Variants in TTYH1 observed in about 807,000 individuals in gnomAD.
TTYH1 encodes protein tweety homolog 1.
TTYH1 carries 33 observed loss-of-function variants against 61.2 expected under a neutral mutation model. The ratio of observed to expected loss-of-function variants is 0.54; its 90% CI spans 0.41 to 0.72. TTYH1 has a LOEUF of 0.72. Ranked by LOEUF, TTYH1 falls within the 30% of genes least tolerant of loss-of-function variation. The pLI is 0.00. For missense variants in TTYH1, 538 were observed against 575.8 expected, an observed-to-expected ratio of 0.93 and a Z score of 0.67; for synonymous variants, 308 against 266.4, an observed-to-expected ratio of 1.16 and a Z score of -1.52.
rs947779185 is a variant in TTYH1 at position 54,419,427 on chromosome 19, G to A, written c.305+121G>A. On this transcript the variant is annotated intron_variant, in intron 2 of 13. Coordinates refer to ENST00000376530, the MANE Select transcript of TTYH1 (RefSeq NM_020659.4). This position sits in a 1 kb window ranked among gnomAD's most constrained non-coding sequence, Gnocchi z 6.1. ...CAGACAGGAAGGAGGAAACTCCCTC[G>A]TCCCTGTCCCTGCCATTTGCAAGCC... is the stretch of plus-strand genomic sequence containing the variant. 4.8e-6 allele frequency: 5 copies of A among 1,049,424 alleles called. No homozygotes were observed. The highest frequency in any genetic ancestry group is 7.1e-6 in the Non-Finnish European group (5 of 703,072). The allele number at this position is 1,049,424 out of a possible 1,614,324, so 65.0% of individuals were successfully genotyped here.
rs1257595041 is a variant in TTYH1, at chr19:54,433,715, A to AG, written c.1126-1827_1126-1826insG. ...ATGGTGAAACCCCATCTCTATTAAA[A>AG]AAAAAAAAATCAACAATAAGGGACA... On this transcript the variant is annotated intron_variant, in intron 10 of 13. Transcript: ENST00000376530. 2.6e-5 allele frequency: 4 copies of AG among 151,536 alleles called. No homozygotes were observed. In the East Asian group the frequency reaches 7.7e-4, roughly 29 times the overall value. The allele number at this position is 151,536 out of a possible 1,614,324, so 9.4% of individuals were successfully genotyped here. A position where few individuals can be genotyped will look rare whatever the true frequency, so the allele number is the denominator to read the frequency against.
intron 10 of TTYH1, 130 bp from the exon 11 acceptor site, chr19:54,435,412 A>G: frequency 8.6e-7 from 1 of 1,168,144 alleles, no homozygotes; most frequent in East Asian, 2.4e-5. Flanking sequence ...TGACAGGGGA[A>G]ACTGAGGCAC....
rs1170737889 is a variant in TTYH1, at chr19:54,415,951, G to GC, written c.126+276dup. 24 of 1,066,650 alleles carry GC rather than the reference G, an allele frequency of 2.3e-5. No individual in the cohort carries two copies. Among genetic ancestry groups the GC allele is most frequent in the Non-Finnish European group, 2.9e-5 (22 of 751,582 alleles). 66.1% of individuals were successfully genotyped at this position (1,066,650 alleles called of 1,614,324 possible). A position where few individuals can be genotyped will look rare whatever the true frequency, so the allele number is the denominator to read the frequency against. ...AGTTCATGGAGAGGAGGGGAGGGGG[G>GC]CCCGGATTCCCGGGTGTCTGATACC... On this transcript the variant is annotated intron_variant, in intron 1 of 13. Transcript: ENST00000376530. The surrounding 1 kb of genome is among the most constrained non-coding windows in gnomAD (Gnocchi z 5.2).
intron 4 of TTYH1, 85 bp from the exon 5 acceptor site, chr19:54,426,588 G>A: frequency 9.8e-7 from 1 of 1,024,102 alleles, no homozygotes; most frequent in Non-Finnish European, 1.5e-6. Context: ...CTGGGGGGCA[G>A]GGTGAATGCT....
At chr19:54,425,808 T>A (rs1459411387) in intron 4 of TTYH1, among the ~76,000 whole-genome samples, 1 of 151,964 alleles carries the variant, frequency 6.6e-6, no homozygotes, top group Non-Finnish European at 1.5e-5. Flanking sequence ...CTCCACCTCA[T>A]GGGTTCAAAT....
chr19:54,419,348 C>T lies in TTYH1; in HGVS notation c.305+42C>T. 6.4e-7 allele frequency: 1 copy of T among 1,564,754 alleles called. No individual in the cohort carries two copies. Among genetic ancestry groups the T allele is most frequent in the Non-Finnish European group, 8.6e-7 (1 of 1,159,902 alleles). On this transcript the variant is annotated intron_variant, in intron 2 of 13. Transcript: ENST00000376530. The surrounding 1 kb of genome is among the most constrained non-coding windows in gnomAD (Gnocchi z 6.1). ...GTGGGTGGGCGGTGGGGACAGGGCT[C>T]CCCAAGCTCTTTGCTGGCCTTCCTG...
chr19:54,415,951 G>C lies in TTYH1; in HGVS notation c.126+273G>C. The C allele has an allele frequency of 9.4e-7, 1 of 1,066,768 alleles. No homozygotes were observed. The highest frequency in any genetic ancestry group is 1.3e-6 in the Non-Finnish European group (1 of 751,574). 66.1% of individuals were successfully genotyped at this position (1,066,768 alleles called of 1,614,324 possible). On this transcript the variant is annotated intron_variant, in intron 1 of 13. Transcript: ENST00000376530. This position sits in a 1 kb window ranked among gnomAD's most constrained non-coding sequence, Gnocchi z 5.2. ...AGTTCATGGAGAGGAGGGGAGGGGG[G>C]CCCGGATTCCCGGGTGTCTGATACC...
rs2083200636 is a variant in TTYH1, at chr19:54,420,877, G to A, written c.306-400G>A. On this transcript the variant is annotated intron_variant, in intron 2 of 13. Transcript: ENST00000376530. This position sits in a 1 kb window ranked among gnomAD's most constrained non-coding sequence, Gnocchi z 4.8. The stretch of plus-strand genomic sequence containing the variant: ...AGGACCCTAGGGCACCCTAGGACAG[G>A]TGCCAGGAGGGCTGCCTGCCTGGCA... 3.4e-6 allele frequency: 1 copy of A among 291,576 alleles called. No homozygotes were observed. Among genetic ancestry groups the A allele is most frequent in the South Asian group, 4.2e-5 (1 of 23,916 alleles). 18.1% of individuals were successfully genotyped at this position (291,576 alleles called of 1,614,324 possible).
chr19:54,420,174 CCCT>C lies in TTYH1; in HGVS notation c.305+871_305+873del, dbSNP rs748895482. On this transcript the variant is annotated intron_variant, in intron 2 of 13. Coordinates refer to ENST00000376530, the MANE Select transcript of TTYH1 (RefSeq NM_020659.4). This position sits in a 1 kb window ranked among gnomAD's most constrained non-coding sequence, Gnocchi z 4.8. ...CCAAGAACGAGCTCTGAGCACAGCC[CCCT>C]CCCCGGCAGGGCAGCACCCACAGGT... Among the ~76,000 whole-genome samples the C allele has an allele frequency of 6.6e-6, 1 of 152,206 alleles. No homozygotes were observed. Among genetic ancestry groups the C allele is most frequent in the Non-Finnish European group, 1.5e-5 (1 of 68,048 alleles).
At chr19:54,423,017 T>C (rs968594373) in intron 4 of TTYH1, among the ~76,000 whole-genome samples, 1 of 148,958 alleles carries the variant, frequency 6.7e-6, no homozygotes. Flanking sequence ...CTGACACCCA[T>C]GTCCTCACCC....
Position 54,416,568 on chromosome 19 carries a change from C to A in TTYH1, c.126+890C>A. ...CGGGTCCTGGCCCTGCTGATGGGGC[C>A]TGAGCCCCTGGGCTCCGTCTTGGGT... On this transcript the variant is annotated intron_variant, in intron 1 of 13. Transcript: ENST00000376530. This position sits in a 1 kb window ranked among gnomAD's most constrained non-coding sequence, Gnocchi z 7.0. 2 of 370,778 alleles carry A rather than the reference C, an allele frequency of 5.4e-6. No homozygotes were observed. Among genetic ancestry groups the A allele is most frequent in the South Asian group, 4.2e-5 (2 of 47,758 alleles). 23.0% of individuals were successfully genotyped at this position (370,778 alleles called of 1,614,324 possible). A position where few individuals can be genotyped will look rare whatever the true frequency, so the allele number is the denominator to read the frequency against.
chr19:54,415,943 G>A lies in TTYH1; in HGVS notation c.126+265G>A, dbSNP rs970760448. 3.9e-6 allele frequency: 4 copies of A among 1,014,784 alleles called. No individual in the cohort carries two copies. The highest frequency in any genetic ancestry group is 1.6e-5 in the African/African-American group (1 of 61,836). 62.9% of individuals were successfully genotyped at this position (1,014,784 alleles called of 1,614,324 possible). A position where few individuals can be genotyped will look rare whatever the true frequency, so the allele number is the denominator to read the frequency against. ...CACCCCTGAGTTCATGGAGAGGAGGGGAGGGGGGCCCGGATTCCCGGGTGT... is the reference window on the plus strand; with the variant it reads ...CACCCCTGAGTTCATGGAGAGGAGGAGAGGGGGGCCCGGATTCCCGGGTGT... On this transcript the variant is annotated intron_variant, in intron 1 of 13. Transcript: ENST00000376530. This position sits in a 1 kb window ranked among gnomAD's most constrained non-coding sequence, Gnocchi z 5.2.
intron 5 of TTYH1, among the ~76,000 whole-genome samples, chr19:54,427,765 C>T (rs891425292): frequency 9.4e-4 from 143 of 152,198 alleles, no homozygotes; most frequent in Non-Finnish European, 1.5e-3. Flanking sequence ...TGGCCAAGTC[C>T]AAGACTGAGC....
chr19:54,436,077 G>A lies in TTYH1; in HGVS notation c.1315-14G>A, dbSNP rs963944803. On this transcript the variant is annotated splice_polypyrimidine_tract_variant and intron_variant, in intron 12 of 13. Transcript: ENST00000376530. The surrounding 1 kb of genome is among the most constrained non-coding windows in gnomAD (Gnocchi z 4.3). ...ATTCCCTCCTCTCCCCCGCTACCCC[G>A]AATCTCCTAGCAGGAATCCAAGCGC... The A allele has an allele frequency of 1.6e-5, 26 of 1,613,566 alleles. No homozygotes were observed. The highest frequency in any genetic ancestry group is 2.2e-5 in the East Asian group (1 of 44,858).
At chr19:54,430,043 C>G in intron 7 of TTYH1, 86 bp downstream of exon 7, 1 of 1,259,718 alleles carries the variant, frequency 7.9e-7, no homozygotes, top group Non-Finnish European at 1.1e-6. Context: ...CGGTCCTGCC[C>G]AGGGTGGGGT....
rs1052244023 is a variant in TTYH1 at position 54,415,471 on chromosome 19, C to T, written c.-82C>T. ...TCCCGCTCCCCTGAGCCCAGCCAGA[C>T]CCCGCGCCGCCCGCGCCCCGCTCGA... On this transcript the variant is annotated 5_prime_UTR_variant, in exon 1 of 14. Transcript: ENST00000376530. The surrounding 1 kb of genome is among the most constrained non-coding windows in gnomAD (Gnocchi z 5.2). 5.8e-6 allele frequency: 7 copies of T among 1,214,358 alleles called. No individual in the cohort carries two copies. Among genetic ancestry groups the T allele is most frequent in the African/African-American group, 1.6e-5 (1 of 61,366 alleles). The allele number at this position is 1,214,358 out of a possible 1,614,324, so 75.2% of individuals were successfully genotyped here. A position where few individuals can be genotyped will look rare whatever the true frequency, so the allele number is the denominator to read the frequency against.
Position 54,429,489 on chromosome 19 carries a change from G to A in TTYH1, c.807+110G>A, listed in dbSNP as rs1458600372. On this transcript the variant is annotated intron_variant, in intron 6 of 13. Coordinates refer to ENST00000376530, the MANE Select transcript of TTYH1 (RefSeq NM_020659.4). This position sits in a 1 kb window ranked among gnomAD's most constrained non-coding sequence, Gnocchi z 5.1. ...AGTAGAGAAAGGAATTGGGGGGCAC[G>A]ATCACAGCTCTGAGGTTTAGGGCTT... The A allele has an allele frequency of 2.0e-6, 2 of 1,006,882 alleles. No homozygotes were observed. Among genetic ancestry groups the A allele is most frequent in the Non-Finnish European group, 1.5e-6 (1 of 655,080 alleles). The allele number at this position is 1,006,882 out of a possible 1,614,324, so 62.4% of individuals were successfully genotyped here.
In TTYH1 at chr19:54,422,222, G is replaced by C. The variant is rs113106654; in HGVS notation, c.450G>C (p.Ala150=). 2.6e-6 allele frequency: 4 copies of C among 1,565,894 alleles called. No individual in the cohort carries two copies. The highest frequency in any genetic ancestry group is 2.3e-5 in the South Asian group (2 of 85,190). ...AGACGGTGGAGAGGCTGGGCGAGGC[G>C]GTGAGGACAGAGCTGACCACCCTGG... is the stretch of plus-strand genomic sequence containing the variant. ...VLETVERLGE[A]VRTELTTLEE... The change falls in exon 4 of 14, where the codon GCG becomes GCC. Residue 150 remains alanine (A), a synonymous_variant. Coordinates refer to ENST00000376530, the MANE Select transcript of TTYH1 (RefSeq NM_020659.4).
At position 54,421,440 on chromosome 19, in the gene TTYH1, C is replaced by G. The variant is rs1388594240; in HGVS notation, c.417+52C>G. On this transcript the variant is annotated intron_variant, in intron 3 of 13. Coordinates refer to ENST00000376530, the MANE Select transcript of TTYH1 (RefSeq NM_020659.4). The surrounding 1 kb of genome is among the most constrained non-coding windows in gnomAD (Gnocchi z 4.8). ...CCAGACCCACACCTGGACGGGCTCC[C>G]CACACCCAAGGACAAAGGGATCCAA... 2 of 1,264,768 alleles carry G rather than the reference C, an allele frequency of 1.6e-6. No individual in the cohort carries two copies. Among genetic ancestry groups the G allele is most frequent in the African/African-American group, 2.9e-5 (2 of 68,344 alleles). 78.3% of individuals were successfully genotyped at this position (1,264,768 alleles called of 1,614,324 possible).
Sources: allele counts gnomAD v4.1 joint callset (sites outside exome capture counted in the v4.1 genomes callset), GRCh38; gene constraint gnomAD v4.1.1; non-coding constraint Gnocchi (gnomAD v3.1); transcripts MANE v1.5; gene names NCBI Gene and HGNC (gene_info 2026-07-23, HGNC 2026-07-21).